PLAAT1: variants seen among roughly 807,000 people sequenced by gnomAD.
PLAAT1 encodes phospholipase A and acyltransferase 1, also known as H-REV107 protein-related protein.
A neutral mutation model predicts 16.4 loss-of-function variants in PLAAT1; 13 were observed. The observed-to-expected ratio is 0.79, with a 90% confidence interval of 0.52 to 1.26. PLAAT1 has a LOEUF of 1.26. Among genes scored for constraint, PLAAT1 ranks in the 50% most tolerant of loss-of-function variants. PLAAT1 has a pLI of 0.00. For missense variants in PLAAT1, 218 were observed against 207.8 expected (o/e 1.05, Z -0.30); for synonymous variants, 73 against 78.4 (o/e 0.93, Z 0.36).
chr3:193,261,365 A>T (rs979510570), intron 2 of PLAAT1, among the ~76,000 whole-genome samples: 1 of 142,426 alleles, frequency 7.0e-6, no homozygotes, highest in Non-Finnish European at 1.5e-5. Flanking sequence ...AAGACTCCAT[A>T]AAAAAAAAAA....
intron 3 of PLAAT1, among the ~76,000 whole-genome samples, chr3:193,263,585 C>T (rs775881363): frequency 3.9e-5 from 6 of 152,104 alleles, no homozygotes; most frequent in Non-Finnish European, 7.4e-5. Flanking sequence ...GGATGTTGAG[C>T]TTTTTGAATG....
intron 2 of PLAAT1, among the ~76,000 whole-genome samples, chr3:193,257,006 G>A (rs1716398797): frequency 1.3e-5 from 2 of 152,148 alleles, no homozygotes; most frequent in South Asian, 4.1e-4. Context: ...CCTATATTTA[G>A]GGGTTTAACC....
intron 2 of PLAAT1, among the ~76,000 whole-genome samples, chr3:193,257,556 A>T (rs1716423413): frequency 6.6e-6 from 1 of 152,230 alleles, no homozygotes; most frequent in Admixed American, 6.5e-5. Context: ...AATACAAAGA[A>T]GATTTCTCAA....
intron 1 of PLAAT1, among the ~76,000 whole-genome samples, chr3:193,249,594 T>C (rs552849748): frequency 6.6e-6 from 1 of 152,158 alleles, no homozygotes; most frequent in South Asian, 2.1e-4. Flanking sequence ...ATATTTTCTG[T>C]CCCTTTCTCT....
At chr3:193,281,115 C>G (rs2108817026), downstream of PLAAT1, 1 of 888,496 alleles carries the variant, frequency 1.1e-6, no homozygotes, top group South Asian at 5.2e-5. Flanking sequence ...AATTGCATCT[C>G]TCAGGATAAA....
rs1716954415 is a variant in PLAAT1, at chr3:193,270,650, G to T, written c.452G>T (p.Gly151Val). ...STVEFVTAAVGVFSFLGLFPK... is the reference protein window; with the variant it reads ...STVEFVTAAVVVFSFLGLFPK... ...GTTGAGTTTGTGACAGCTGCTGTTGGTGTCTTCTCATTCCTGGGCTTGTTT... is the reference window on the plus strand; with the variant it reads ...GTTGAGTTTGTGACAGCTGCTGTTGTTGTCTTCTCATTCCTGGGCTTGTTT... Residue 151 changes from glycine (G) to valine (V), a missense_variant, in exon 4 of 4, where the codon GGT becomes GTT. Gly to Val is a moderately radical substitution (Grantham distance 109). Coordinates refer to ENST00000264735, the MANE Select transcript of PLAAT1 (RefSeq NM_020386.5). 10 of 1,613,640 alleles carry T rather than the reference G, an allele frequency of 6.2e-6. No homozygotes were observed. Among genetic ancestry groups the T allele is most frequent in the Non-Finnish European group, 8.5e-6 (10 of 1,179,634 alleles).
chr3:193,258,565 A>G (rs781507063), intron 2 of PLAAT1, among the ~76,000 whole-genome samples: 4 of 152,154 alleles, frequency 2.6e-5, no homozygotes, highest in Admixed American at 1.3e-4. Flanking sequence ...GACAAAAATG[A>G]CATTATAACC....
At chr3:193,254,777 G>C (rs1175282382) in intron 1 of PLAAT1, among the ~76,000 whole-genome samples, 1 of 152,178 alleles carries the variant, frequency 6.6e-6, no homozygotes, top group Admixed American at 6.5e-5. Context: ...GCAGGAAGGA[G>C]AGTCATGAAA....
In PLAAT1 at chr3:193,241,326, T is replaced by G. The variant is rs1215035599; in HGVS notation, c.-208T>G. On this transcript the variant is annotated 5_prime_UTR_variant, in exon 1 of 4. Coordinates refer to ENST00000264735, the MANE Select transcript of PLAAT1 (RefSeq NM_020386.5). ...GCCGCGGAGGGGCCGCCGGGACCGTTTCAGCGTGGCGGCGCTGGTGCTGGC... is the reference window on the plus strand; with the variant it reads ...GCCGCGGAGGGGCCGCCGGGACCGTGTCAGCGTGGCGGCGCTGGTGCTGGC... The G allele has an allele frequency of 8.1e-6, 10 of 1,231,130 alleles. No individual in the cohort carries two copies. Among genetic ancestry groups the G allele is most frequent in the Middle Eastern group, 6.2e-4 (2 of 3,226 alleles). The allele number at this position is 1,231,130 out of a possible 1,614,324, so 76.3% of individuals were successfully genotyped here. A position where few individuals can be genotyped will look rare whatever the true frequency, so the allele number is the denominator to read the frequency against.
chr3:193,265,647 ATTTT>A (rs1031450221), intron 3 of PLAAT1, among the ~76,000 whole-genome samples: 1 of 151,872 alleles, frequency 6.6e-6, no homozygotes, highest in African/African-American at 2.4e-5. Flanking sequence ...AGATCTCAAA[ATTTT>A]TTTTTAAATA....
intron 2 of PLAAT1, among the ~76,000 whole-genome samples, chr3:193,258,677 C>T (rs756117013): frequency 1.7e-4 from 26 of 151,956 alleles, no homozygotes; most frequent in Non-Finnish European, 3.1e-4. Context: ...AAACATACAA[C>T]CTTTCAACAT....
At chr3:193,270,069 A>AATACACACACACACAC (rs34199975) in intron 3 of PLAAT1, among the ~76,000 whole-genome samples, 2,051 of 147,964 alleles carry the variant, frequency 0.014, 19 homozygotes, top group East Asian at 0.019. Context: ...ACATCCCTGA[A>AATACACACACACACAC]ACACACACAC....
At position 193,255,766 on chromosome 3, in the gene PLAAT1, A is replaced by G; in HGVS notation, c.116A>G (p.Tyr39Cys). The stretch of plus-strand genomic sequence containing the variant: ...TGGGCCCTGTACTTGGGTGATGGTT[A>G]CGTTATCAACATAGCACCTGTAGGT... Reference protein sequence around the residue: ...QHWALYLGDGYVINIAPVDGI... With the variant: ...QHWALYLGDGCVINIAPVDGI... Residue 39 changes from tyrosine to cysteine, a missense_variant, in exon 2 of 4, where the codon TAC (tyrosine) becomes TGC (cysteine). Tyr to Cys is a radical substitution (Grantham distance 194). Coordinates refer to ENST00000264735, the MANE Select transcript of PLAAT1 (RefSeq NM_020386.5). The G allele has an allele frequency of 6.2e-7, 1 of 1,609,956 alleles. No individual in the cohort carries two copies. Among genetic ancestry groups the G allele is most frequent in the South Asian group, 1.1e-5 (1 of 90,164 alleles).
intron 2 of PLAAT1, among the ~76,000 whole-genome samples, chr3:193,257,903 T>A (rs983695775): frequency 6.6e-6 from 1 of 152,028 alleles, no homozygotes; most frequent in Non-Finnish European, 1.5e-5. Context: ...CTCCAAGTTC[T>A]TAAGCTTTTG....
intron 3 of PLAAT1, among the ~76,000 whole-genome samples, chr3:193,265,472 G>C (rs1207441674): frequency 6.6e-6 from 1 of 152,124 alleles, no homozygotes; most frequent in Non-Finnish European, 1.5e-5. Flanking sequence ...TGGTTGCCTG[G>C]GGCTGAGGTG....
At chr3:193,279,467 C>T, downstream of PLAAT1, 2 of 1,599,592 alleles carry the variant, frequency 1.3e-6, no homozygotes, top group African/African-American at 1.3e-5. Context: ...GAGGAAATAC[C>T]AAACATTATT....
At chr3:193,272,284 A>T (rs994052563), downstream of PLAAT1, among the ~76,000 whole-genome samples, 3 of 152,082 alleles carry the variant, frequency 2.0e-5, no homozygotes, top group Non-Finnish European at 2.9e-5. Flanking sequence ...TCTACTAAAA[A>T]TACAAAAAAT....
chr3:193,254,965 C>A (rs1281584815), intron 1 of PLAAT1, among the ~76,000 whole-genome samples: 1 of 152,164 alleles, frequency 6.6e-6, no homozygotes, highest in Non-Finnish European at 1.5e-5. Flanking sequence ...GAGCCTGGAA[C>A]CCAACTTTGC....
chr3:193,278,340 A>G (rs538732204), downstream of PLAAT1, among the ~76,000 whole-genome samples: 1 of 152,186 alleles, frequency 6.6e-6, no homozygotes, highest in South Asian at 2.1e-4. Context: ...AAGCCTGCTC[A>G]GATAGCTTCA....
Sources: gnomAD v4.1 joint callset for allele counts (sites outside exome capture counted in the v4.1 genomes callset) on GRCh38, gnomAD v4.1.1 for gene constraint, MANE v1.5 for transcripts, NCBI Gene and HGNC (gene_info 2026-07-23, HGNC 2026-07-21) for gene names.